TMEM132B: variants seen among roughly 807,000 people sequenced by gnomAD.
TMEM132B encodes transmembrane protein 132B.
TMEM132B carries 18 observed loss-of-function variants against 90.8 expected under a neutral mutation model. The ratio of observed to expected loss-of-function variants is 0.20; its 90% confidence interval spans 0.14 to 0.29. TMEM132B has a LOEUF of 0.29. Among genes scored for constraint, TMEM132B ranks in the 10% least tolerant of loss-of-function variants. The pLI, the probability that TMEM132B is intolerant of heterozygous loss-of-function variation, is 1.00. For synonymous variants in TMEM132B, 504 were observed against 523.3 expected (o/e 0.96, Z 0.50); for missense variants, 1,096 against 1,326.8 (o/e 0.83, Z 2.70).
At chr12:125,274,107 C>T (rs1435901232) in intron 1 of TMEM132B, among the ~76,000 whole-genome samples, 4 of 152,066 alleles carry the variant, frequency 2.6e-5, no homozygotes, top group Admixed American at 6.6e-5. Flanking sequence ...TTTTTTGGGT[C>T]TCTTCGTGAG....
chr12:125,290,766 C>A (rs1327457414), intron 1 of TMEM132B, among the ~76,000 whole-genome samples: 1 of 152,062 alleles, frequency 6.6e-6, no homozygotes, highest in Non-Finnish European at 1.5e-5. Flanking sequence ...CAGTGAGTGT[C>A]CTGGTACATC....
chr12:125,539,542 C>T (rs1883900395), intron 4 of TMEM132B, among the ~76,000 whole-genome samples: 2 of 152,360 alleles, frequency 1.3e-5, no homozygotes, highest in South Asian at 2.1e-4. Context: ...CTTATTAGCT[C>T]TCTCTTCCTG....
Position 125,460,877 on chromosome 12 carries a change from T to C in TMEM132B, c.1106+45200T>C, listed in dbSNP as rs1347257650. 6.6e-6 allele frequency among the ~76,000 whole-genome samples: 1 copy of C among 152,230 alleles called. No homozygotes were observed. The highest frequency in any genetic ancestry group is 2.4e-5 in the African/African-American group (1 of 41,464). On this transcript the variant is annotated intron_variant, in intron 3 of 8. Coordinates refer to ENST00000682704, the MANE Select transcript of TMEM132B (RefSeq NM_001366854.1). This position sits in a 1 kb window ranked among gnomAD's most constrained non-coding sequence, Gnocchi z 4.4. Reference sequence around the variant, plus strand: ...TGAAGACAATGAAACATATTGTTTGTTGTCATCATGAAAGTTTTAAAAAAG... The same window carrying C: ...TGAAGACAATGAAACATATTGTTTGCTGTCATCATGAAAGTTTTAAAAAAG...
intron 3 of TMEM132B, among the ~76,000 whole-genome samples, chr12:125,497,761 T>C (rs1390877771): frequency 6.6e-6 from 1 of 152,214 alleles, no homozygotes; most frequent in Non-Finnish European, 1.5e-5. Context: ...GGAGTTTGAC[T>C]TTGTCTGAAA....
At chr12:125,630,169 A>G (rs1417872260) in intron 5 of TMEM132B, among the ~76,000 whole-genome samples, 1 of 152,112 alleles carries the variant, frequency 6.6e-6, no homozygotes, top group African/African-American at 2.4e-5. Context: ...ATTTGGAAGT[A>G]TTCCCTCCTC....
chr12:125,572,811 T>C (rs1435018933), intron 4 of TMEM132B, among the ~76,000 whole-genome samples: 1 of 152,206 alleles, frequency 6.6e-6, no homozygotes, highest in Non-Finnish European at 1.5e-5. Flanking sequence ...TTGATATTTA[T>C]TAGCTGGAAT....
At chr12:125,438,135 A>G (rs529950770) in intron 3 of TMEM132B, among the ~76,000 whole-genome samples, 59 of 152,318 alleles carry the variant, frequency 3.9e-4, no homozygotes, top group African/African-American at 1.4e-3. Context: ...AATCAACTGC[A>G]TTCTTCTCCC....
At chr12:125,241,008 G>A (rs925392390) in intron 1 of TMEM132B, among the ~76,000 whole-genome samples, 3 of 152,162 alleles carry the variant, frequency 2.0e-5, no homozygotes, top group Admixed American at 1.3e-4. Flanking sequence ...GGGGTAGGGC[G>A]AGTACCTCCT....
intron 1 of TMEM132B, among the ~76,000 whole-genome samples, chr12:125,241,701 G>T (rs1424297588): frequency 6.6e-6 from 1 of 152,104 alleles, no homozygotes; most frequent in Non-Finnish European, 1.5e-5. Context: ...TGGTCTCCAG[G>T]GCCATGAGAA....
intron 5 of TMEM132B, among the ~76,000 whole-genome samples, chr12:125,630,399 T>G (rs1886336333): frequency 1.3e-5 from 2 of 152,206 alleles, no homozygotes; most frequent in Middle Eastern, 6.8e-3. Flanking sequence ...TGTCCATTTC[T>G]TCTAGAGTTT....
chr12:125,412,996 G>C (rs570497316), intron 2 of TMEM132B, among the ~76,000 whole-genome samples: 3 of 152,192 alleles, frequency 2.0e-5, no homozygotes, highest in African/African-American at 7.2e-5. Flanking sequence ...ACTTTTTGGG[G>C]CGTGCAAGAG....
chr12:125,406,176 G>A lies in TMEM132B; in HGVS notation c.960-9355G>A, dbSNP rs946856889. On this transcript the variant is annotated intron_variant, in intron 2 of 8. Transcript: ENST00000682704. This position sits in a 1 kb window ranked among gnomAD's most constrained non-coding sequence, Gnocchi z 8.3. ...CAGTAGACTGTGAGTACCTTTTACT[G>A]TCCAAACAGGAATCTTCTTTATCTC... 1.3e-5 allele frequency among the ~76,000 whole-genome samples: 2 copies of A among 152,156 alleles called. No homozygotes were observed. The highest frequency in any genetic ancestry group is 6.5e-5 in the Admixed American group (1 of 15,282).
At chr12:125,272,235 G>C (rs1246768534) in intron 1 of TMEM132B, among the ~76,000 whole-genome samples, 1 of 152,222 alleles carries the variant, frequency 6.6e-6, no homozygotes, top group Non-Finnish European at 1.5e-5. Context: ...GGGAGGACTT[G>C]GGAAAGGGCT....
intron 3 of TMEM132B, among the ~76,000 whole-genome samples, chr12:125,431,347 C>G (rs1258790832): frequency 1.3e-5 from 2 of 151,990 alleles, no homozygotes; most frequent in African/African-American, 4.8e-5. Flanking sequence ...AGAAACGCTG[C>G]ATGTAAGCAA....
intron 1 of TMEM132B, among the ~76,000 whole-genome samples, chr12:125,188,949 T>G (rs1391232135): frequency 1.3e-5 from 2 of 151,826 alleles, no homozygotes; most frequent in African/African-American, 4.8e-5. Flanking sequence ...TAACCAGAGC[T>G]TCCTTCAGGG....
intron 5 of TMEM132B, among the ~76,000 whole-genome samples, chr12:125,642,247 C>T (rs1305496415): frequency 2.6e-5 from 4 of 152,170 alleles, no homozygotes; most frequent in East Asian, 1.9e-4. Context: ...CATGACCCTC[C>T]ACTCCATTTT....
rs1004841338 is a variant in TMEM132B, at chr12:125,246,689, C to T, written c.67+59823C>T. On this transcript the variant is annotated intron_variant, in intron 1 of 8. Coordinates refer to ENST00000682704, the MANE Select transcript of TMEM132B (RefSeq NM_001366854.1). This position sits in a 1 kb window ranked among gnomAD's most constrained non-coding sequence, Gnocchi z 4.2. Reference sequence around the variant, plus strand: ...CAAACAAATACTGATTTTTCCATTTCGGGCTCTTTTGTGAAGTGCTTTGAT... The same window carrying T: ...CAAACAAATACTGATTTTTCCATTTTGGGCTCTTTTGTGAAGTGCTTTGAT... 1.3e-5 allele frequency among the ~76,000 whole-genome samples: 2 copies of T among 152,206 alleles called. No homozygotes were observed. The highest frequency in any genetic ancestry group is 2.1e-4 in the South Asian group (1 of 4,830).
chr12:125,576,827 A>T (rs1416438442), intron 4 of TMEM132B, among the ~76,000 whole-genome samples: 1 of 151,612 alleles, frequency 6.6e-6, no homozygotes, highest in Non-Finnish European at 1.5e-5. Flanking sequence ...CCCACTTGTT[A>T]TGGTGTTTAG....
At chr12:125,397,992 T>A (rs1879213895) in intron 2 of TMEM132B, among the ~76,000 whole-genome samples, 1 of 152,152 alleles carries the variant, frequency 6.6e-6, no homozygotes, top group South Asian at 2.1e-4. Flanking sequence ...TCCCACATAG[T>A]GACAAGGACA....
Sources: allele counts gnomAD v4.1 joint callset (sites outside exome capture counted in the v4.1 genomes callset), GRCh38; gene constraint gnomAD v4.1.1; non-coding constraint Gnocchi (gnomAD v3.1); transcripts MANE v1.5; gene names NCBI Gene and HGNC (gene_info 2026-07-23, HGNC 2026-07-21).